Variants in MUC5B observed in about 807,000 individuals in gnomAD.
MUC5B encodes the protein mucin-5B.
Under a neutral mutation model 376.9 loss-of-function variants are expected in MUC5B, and 116 were observed. The ratio of observed to expected loss-of-function variants is 0.31; its 90% CI spans 0.26 to 0.36. The LOEUF (loss-of-function observed/expected upper bound fraction) is 0.36, where lower values mean the gene tolerates loss of function less well. MUC5B is among the 10% of genes least tolerant of loss of function. The pLI, the probability that MUC5B is intolerant of heterozygous loss-of-function variation, is 1.00. For missense variants in MUC5B, 7,165 were observed against 7,769.9 expected (o/e 0.92, Z 2.93); for synonymous variants, 3,517 against 3,390.9 (o/e 1.04, Z -1.29).
chr11:1,247,096 C>T lies in MUC5B; in HGVS notation c.10216C>T (p.Pro3406Ser). Residue 3406 changes from proline (P) to serine (S), a missense_variant, in exon 31 of 49, where the codon CCC becomes TCC. By Grantham distance (74) the Pro-to-Ser change is moderately conservative (BLOSUM62 -1). This residue lies in a region of MUC5B where 939 missense variants were observed against 770.6 expected (regional missense o/e 1.22). Transcript: ENST00000529681. ...TITATGSTTN[P>S]SSTPGTTPIP... ...CACAGCCACCGGCTCCACCACCAAC[C>T]CCTCCTCAACTCCAGGGACAACTCC... is the stretch of plus-strand genomic sequence containing the variant. 6.4e-7 allele frequency: 1 copy of T among 1,563,514 alleles called. No homozygotes were observed. The highest frequency in any genetic ancestry group is 1.9e-5 in the Admixed American group (1 of 51,638).
At position 1,257,602 on chromosome 11, in the gene MUC5B, C is replaced by T; in HGVS notation, c.16342C>T (p.Pro5448Ser). The change falls in exon 41 of 49, where the codon CCC becomes TCC. Residue 5448 changes from proline (P) to serine (S), a missense_variant. Transcript: ENST00000529681. The surrounding 1 kb of genome is among the most constrained non-coding windows in gnomAD (Gnocchi z 8.9). ...GGGTTCAGTGTCGGTGCAGTGCAAG[C>T]CCCTGCCCTGTGACGCCCAGGGTCA... ...DEGSVSVQCK[P>S]LPCDAQGQPP... 3.7e-6 allele frequency: 6 copies of T among 1,605,302 alleles called. No homozygotes were observed. Among genetic ancestry groups the T allele is most frequent in the Non-Finnish European group, 5.1e-6 (6 of 1,179,632 alleles).
Position 1,250,602 on chromosome 11 carries a change from C to T in MUC5B, c.13722C>T (p.Ala4574=). The stretch of plus-strand genomic sequence containing the variant: ...CCGCCACGGCCACCACAACCGGGGC[C>T]ACCGGCTCTGTGGCCACCCCCTCCT... The part of the protein sequence containing the change: ...VLTATATTTG[A]TGSVATPSST... Residue 4574 remains alanine (A), a synonymous_variant, in exon 31 of 49, where the codon GCC becomes GCT. Coordinates refer to ENST00000529681, the MANE Select transcript of MUC5B (RefSeq NM_002458.3). The T allele has an allele frequency of 6.2e-7, 1 of 1,613,790 alleles. No individual in the cohort carries two copies. The highest frequency in any genetic ancestry group is 1.1e-5 in the South Asian group (1 of 91,088).
Position 1,247,268 on chromosome 11 carries a change from G to T in MUC5B, c.10388G>T (p.Ser3463Ile). The T allele has an allele frequency of 3.1e-6, 5 of 1,612,120 alleles. No homozygotes were observed. The highest frequency in any genetic ancestry group is 4.2e-6 in the Non-Finnish European group (5 of 1,179,554). Residue 3463 changes from serine (S) to isoleucine (I), a missense_variant, in exon 31 of 49, where the codon AGT becomes ATT. Ser to Ile is a moderately radical substitution (Grantham distance 142). Transcript: ENST00000529681. ...CACGGGCGGTCCCTGCCCCCCAGCA[G>T]TCCCCACACGGTGCGCACAGCCTGG... The part of the protein sequence containing the change: ...TTHGRSLPPS[S>I]PHTVRTAWTS...
rs531189302 is a variant in MUC5B, at chr11:1,234,014, C to T, written c.2377+166C>T. Among the ~76,000 whole-genome samples, 9 of 152,298 alleles carry T rather than the reference C, an allele frequency of 5.9e-5. No homozygotes were observed. The South Asian group carries it at 1.2e-3, about 21-fold the overall frequency. On this transcript the variant is annotated intron_variant, in intron 19 of 48. Coordinates refer to ENST00000529681, the MANE Select transcript of MUC5B (RefSeq NM_002458.3). The surrounding 1 kb of genome is among the most constrained non-coding windows in gnomAD (Gnocchi z 6.3). ...CACCCATGCCCTGACACGCCAGGGACGGAGGGGCCAGTGGGTCTCTGCCCC... is the reference window on the plus strand; with the variant it reads ...CACCCATGCCCTGACACGCCAGGGATGGAGGGGCCAGTGGGTCTCTGCCCC...
intron 48 of MUC5B, 85 bp downstream of exon 48, chr11:1,260,813 G>GAC: frequency 2.0e-6 from 2 of 985,444 alleles, no homozygotes; most frequent in Non-Finnish European, 3.1e-6. Flanking sequence ...AGCCTGCTCT[G>GAC]GGTCAGGAGG....
chr11:1,252,682 A>T, intron 32 of MUC5B, 127 bp from the exon 33 acceptor site: 1 of 1,406,148 alleles, frequency 7.1e-7, no homozygotes, highest in Non-Finnish European at 9.5e-7. Flanking sequence ...CCAGGCTAGC[A>T]TGGGGGCCGC....
rs201142926 is a variant in MUC5B at position 1,245,247 on chromosome 11, G to T, written c.8367G>T (p.Thr2789=). 4,707 of 1,579,560 alleles carry T rather than the reference G, an allele frequency of 3.0e-3. 186 individuals carry two copies. The African/African-American group carries it at 0.059, about 20-fold the overall frequency. ...CCACCCACATCACAGAGCCTTCCAC[G>T]GGGACTTCCCACACCCCAGCAGCAA... ...LGTTHITEPS[T]GTSHTPAATT... The change falls in exon 31 of 49, where the codon ACG becomes ACT. Residue 2789 remains threonine (T), a synonymous_variant. Coordinates refer to ENST00000529681, the MANE Select transcript of MUC5B (RefSeq NM_002458.3).
rs373476136 is a variant in MUC5B, at chr11:1,250,825, G to C, written c.13945G>C (p.Ala4649Pro). ...PSSIPGTTHT[A>P]RVLTTTTTTV... ...CTCCATCCCGGGGACCACCCACACC[G>C]CCAGAGTGCTGACCACCACCACCAC... The change falls in exon 31 of 49, where the codon GCC (alanine) becomes CCC (proline). Residue 4649 changes from alanine to proline, a missense_variant. Ala to Pro is a conservative substitution (Grantham distance 27). Around this residue, in one of 31 missense-constraint regions of MUC5B, gnomAD observed 730 missense variants for 592.7 expected, o/e 1.23. Transcript: ENST00000529681. 162 of 1,611,078 alleles carry C rather than the reference G, an allele frequency of 1.0e-4. No individual in the cohort carries two copies. The East Asian group carries it at 1.2e-3, about 12-fold the overall frequency.
Position 1,246,956 on chromosome 11 carries a change from C to T in MUC5B, c.10076C>T (p.Ala3359Val), listed in dbSNP as rs1209996340. ...TCCATCCCGGGGACCACCCACACCGCCACAGTGCTGACCACCACCACCACA... is the reference window on the plus strand; with the variant it reads ...TCCATCCCGGGGACCACCCACACCGTCACAGTGCTGACCACCACCACCACA... ...PSSIPGTTHT[A>V]TVLTTTTTTV... The change falls in exon 31 of 49, where the codon GCC (alanine) becomes GTC (valine). Residue 3359 changes from alanine (A) to valine (V), a missense_variant. This residue lies in a region of MUC5B where 939 missense variants were observed against 770.6 expected (regional missense o/e 1.22). Transcript: ENST00000529681. 6.9e-6 allele frequency: 11 copies of T among 1,601,160 alleles called. No individual in the cohort carries two copies. The highest frequency in any genetic ancestry group is 2.7e-5 in the African/African-American group (2 of 74,386).
rs371012989 is a variant in MUC5B, at chr11:1,241,356, G to C, written c.4476G>C (p.Thr1492=). Residue 1492 remains threonine, a synonymous_variant, in exon 31 of 49, where the codon ACG becomes ACC. Coordinates refer to ENST00000529681, the MANE Select transcript of MUC5B (RefSeq NM_002458.3). Reference sequence around the variant, plus strand: ...CTGGGTCCAGCTCAGGCCCCGTGACGGTCACCCCCTCGGCCCCAGGTACCA... The same window carrying C: ...CTGGGTCCAGCTCAGGCCCCGTGACCGTCACCCCCTCGGCCCCAGGTACCA... ...SQTGSSSGPV[T]VTPSAPGTTT... 3.6e-5 allele frequency: 58 copies of C among 1,612,276 alleles called. No homozygotes were observed. The highest frequency in any genetic ancestry group is 4.8e-5 in the Non-Finnish European group (57 of 1,179,210).
Position 1,255,418 on chromosome 11 carries a change from G to A in MUC5B, c.15926G>A (p.Gly5309Asp). 6.2e-7 allele frequency: 1 copy of A among 1,604,492 alleles called. No individual in the cohort carries two copies. The highest frequency in any genetic ancestry group is 1.7e-4 in the Middle Eastern group (1 of 6,048). Reference protein sequence around the residue: ...FAECHNLVPPGPFFNACISDH... With the variant: ...FAECHNLVPPDPFFNACISDH... ...GAGTGCCACAACCTTGTGCCCCCGG[G>A]CCCATTCTTCAACGCCTGCATCAGC... The change falls in exon 37 of 49, where the codon GGC becomes GAC. Residue 5309 changes from glycine (G) to aspartate (D), a missense_variant. By Grantham distance (94) the Gly-to-Asp change is moderately conservative. Transcript: ENST00000529681.
At position 1,261,565 on chromosome 11, in the gene MUC5B, C is replaced by A. The variant is rs757927317; in HGVS notation, c.17246C>A (p.Pro5749Gln). Residue 5749 changes from proline (P) to glutamine (Q), a missense_variant, in exon 49 of 49, where the codon CCA becomes CAA. Coordinates refer to ENST00000529681, the MANE Select transcript of MUC5B (RefSeq NM_002458.3). ...PFCVPAPMAPPHTRGFPAQEA... is the reference protein window; with the variant it reads ...PFCVPAPMAPQHTRGFPAQEA... ...TGTGTCCCTGCGCCCATGGCTCCCCCACACACCCGTGGCTTCCCGGCCCAG... is the reference window on the plus strand; with the variant it reads ...TGTGTCCCTGCGCCCATGGCTCCCCAACACACCCGTGGCTTCCCGGCCCAG... The A allele has an allele frequency of 6.2e-7, 1 of 1,608,644 alleles. No homozygotes were observed. The highest frequency in any genetic ancestry group is 8.5e-7 in the Non-Finnish European group (1 of 1,178,462).
chr11:1,242,438 C>T lies in MUC5B; in HGVS notation c.5558C>T (p.Thr1853Met), dbSNP rs530421012. 26 of 1,613,782 alleles carry T rather than the reference C, an allele frequency of 1.6e-5. No homozygotes were observed. The African/African-American group carries it at 2.4e-4, about 15-fold the overall frequency. Residue 1853 changes from threonine to methionine, a missense_variant, in exon 31 of 49, where the codon ACG (threonine) becomes ATG (methionine). Coordinates refer to ENST00000529681, the MANE Select transcript of MUC5B (RefSeq NM_002458.3). The stretch of plus-strand genomic sequence containing the variant: ...CAGGTGCTGACCTGCAGCCTGGAGA[C>T]GGGGCTGACCTGCAAGAACGAAGAC... ...VGQVLTCSLE[T>M]GLTCKNEDQT...
intron 26 of MUC5B, 61 bp downstream of exon 26, chr11:1,239,088 T>A (rs773837204): frequency 6.5e-7 from 1 of 1,537,180 alleles, no homozygotes; most frequent in South Asian, 1.2e-5. Context: ...GGAGGAGGTG[T>A]GGCAGCCTCC....
At chr11:1,226,451 G>C in intron 3 of MUC5B, 164 bp from the exon 4 acceptor site, 1 of 1,262,506 alleles carries the variant, frequency 7.9e-7, no homozygotes, top group African/African-American at 1.5e-5. Flanking sequence ...GACGGGTCAG[G>C]GGTCTTGGAG....
chr11:1,223,527 G>T, intron 1 of MUC5B: 3 of 424,354 alleles, frequency 7.1e-6, no homozygotes, highest in South Asian at 4.1e-5. Flanking sequence ...ACAGCTGGGG[G>T]TCTCTCTGGA....
rs564994626 is a variant in MUC5B, at chr11:1,250,578, C to T, written c.13698C>T (p.Thr4566=). ...PETVHTSTVL[T]ATATTTGATG... ...CTGTCCACACCTCCACAGTGCTTACCGCCACGGCCACCACAACCGGGGCCA... is the reference window on the plus strand; with the variant it reads ...CTGTCCACACCTCCACAGTGCTTACTGCCACGGCCACCACAACCGGGGCCA... Residue 4566 remains threonine (T), a synonymous_variant, in exon 31 of 49, where the codon ACC becomes ACT. Coordinates refer to ENST00000529681, the MANE Select transcript of MUC5B (RefSeq NM_002458.3). The T allele has an allele frequency of 8.1e-5, 130 of 1,613,700 alleles. No individual in the cohort carries two copies. Among genetic ancestry groups the T allele is most frequent in the Admixed American group, 1.8e-4 (11 of 60,010 alleles).
chr11:1,242,241 G>A lies in MUC5B; in HGVS notation c.5361G>A (p.Lys1787=). 6.2e-7 allele frequency: 1 copy of A among 1,613,872 alleles called. No individual in the cohort carries two copies. The highest frequency in any genetic ancestry group is 1.1e-5 in the South Asian group (1 of 91,082). Residue 1787 remains lysine, a synonymous_variant, in exon 31 of 49, where the codon AAG becomes AAA. Transcript: ENST00000529681. Reference sequence around the variant, plus strand: ...AGGGCACGACCCGCTGTCAACCGAAGTGTGAGTGGACAGAGTGGTTTGACG... The same window carrying A: ...AGGGCACGACCCGCTGTCAACCGAAATGTGAGTGGACAGAGTGGTTTGACG... The part of the protein sequence containing the change: ...TSQGTTRCQP[K]CEWTEWFDVD...
At chr11:1,240,691 C>A (rs934259593) in intron 30 of MUC5B, among the ~76,000 whole-genome samples, 160 bp from the exon 31 acceptor site, 2 of 152,362 alleles carry the variant, frequency 1.3e-5, no homozygotes, top group Middle Eastern at 3.4e-3. Flanking sequence ...GTCCCTCATG[C>A]AGAAACGGCT....
Sources: allele counts gnomAD v4.1 joint callset (sites outside exome capture counted in the v4.1 genomes callset), GRCh38; gene constraint gnomAD v4.1.1; regional missense constraint gnomAD v4.1.1; non-coding constraint Gnocchi (gnomAD v3.1); transcripts MANE v1.5; gene names NCBI Gene and HGNC (gene_info 2026-07-23, HGNC 2026-07-21).